The following TTF2 variants were observed in gnomAD, a reference collection of about 807,000 sequenced individuals.
The protein encoded by TTF2 is transcription termination factor 2, also known as RNA polymerase II termination factor.
Under a neutral mutation model 142.4 loss-of-function variants are expected in TTF2, and 108 were observed. That is an observed-to-expected ratio of 0.76 (90% CI 0.65 to 0.89). TTF2 has a LOEUF of 0.89. Among genes scored for constraint, TTF2 ranks in the 40% least tolerant of loss-of-function variants. The pLI is 0.00. For synonymous variants in TTF2, 483 were observed against 506.2 expected (o/e 0.95, Z 0.61); for missense variants, 1,327 against 1,379.8 (o/e 0.96, Z 0.61).
At position 117,073,770 on chromosome 1, in the gene TTF2, T is replaced by C; in HGVS notation, c.285+43T>C. 1 of 1,567,804 alleles carries C rather than the reference T, an allele frequency of 6.4e-7. No individual in the cohort carries two copies. The highest frequency in any genetic ancestry group is 8.8e-7 in the Non-Finnish European group (1 of 1,141,950). ...GTTTTCAAACCTGCTGTGTTAAGAC[T>C]TTTAATATGCAGCATCACCTGAAAA... On this transcript the variant is annotated intron_variant, in intron 4 of 22. Coordinates refer to ENST00000369466, the MANE Select transcript of TTF2 (RefSeq NM_003594.4). This position sits in a 1 kb window ranked among gnomAD's most constrained non-coding sequence, Gnocchi z 4.4.
At position 117,081,834 on chromosome 1, in the gene TTF2, A is replaced by T. The variant is rs1215107642; in HGVS notation, c.1790A>T (p.Asp597Val). 1 of 1,613,482 alleles carries T rather than the reference A, an allele frequency of 6.2e-7. No individual in the cohort carries two copies. Among genetic ancestry groups the T allele is most frequent in the Non-Finnish European group, 8.5e-7 (1 of 1,179,838 alleles). The change falls in exon 10 of 23, where the codon GAT becomes GTT. Residue 597 changes from aspartate to valine, a missense_variant. Physicochemically the swap from Asp to Val is radical, Grantham distance 152. Transcript: ENST00000369466. ...QKPQGGILAD[D>V]MGLGKTLTMI... ...TTTTGCTTTTATTTTCTAGCAGATG[A>T]TATGGGCTTAGGAAAAACCCTGACA...
Position 117,063,205 on chromosome 1 carries a change from C to T in TTF2, c.218+732C>T, listed in dbSNP as rs936418543. 5.9e-5 allele frequency among the ~76,000 whole-genome samples: 9 copies of T among 152,134 alleles called. No homozygotes were observed. Among genetic ancestry groups the T allele is most frequent in the Non-Finnish European group, 1.0e-4 (7 of 68,014 alleles). ...ATTAAAGGCATTTGAGTACCACCTA[C>T]AATTTTTATATACCTGAGTACTGTT... On this transcript the variant is annotated intron_variant, in intron 3 of 22. Transcript: ENST00000369466. The surrounding 1 kb of genome is among the most constrained non-coding windows in gnomAD (Gnocchi z 4.1).
At chr1:117,062,252 ATGTGTGGGAAT>A (rs1432749077) in intron 2 of TTF2, 124 bp from the exon 3 acceptor site, 1 of 705,296 alleles carries the variant, frequency 1.4e-6, no homozygotes, top group East Asian at 2.7e-5. Flanking sequence ...AGCTGTGATA[ATGTGTGGGAAT>A]TACAAACCCA....
rs1647965215 is a variant in TTF2 at position 117,086,004 on chromosome 1, A to G, written c.2055-413A>G. 6.6e-6 allele frequency among the ~76,000 whole-genome samples: 1 copy of G among 152,206 alleles called. No individual in the cohort carries two copies. The highest frequency in any genetic ancestry group is 1.5e-5 in the Non-Finnish European group (1 of 68,040). On this transcript the variant is annotated intron_variant, in intron 11 of 22. Coordinates refer to ENST00000369466, the MANE Select transcript of TTF2 (RefSeq NM_003594.4). The surrounding 1 kb of genome is among the most constrained non-coding windows in gnomAD (Gnocchi z 4.2). ...CTTTCTCCCCTGGGACTTTGGTGTC[A>G]TCCATCTCAAATCATTATTAAATGT...
Position 117,092,057 on chromosome 1 carries a change from A to G in TTF2, c.2805+107A>G. 1.6e-6 allele frequency: 2 copies of G among 1,248,044 alleles called. No homozygotes were observed. Among genetic ancestry groups the G allele is most frequent in the Non-Finnish European group, 2.1e-6 (2 of 932,852 alleles). 77.3% of individuals were successfully genotyped at this position (1,248,044 alleles called of 1,614,324 possible). On this transcript the variant is annotated intron_variant, in intron 17 of 22. Transcript: ENST00000369466. The surrounding 1 kb of genome is among the most constrained non-coding windows in gnomAD (Gnocchi z 4.4). ...AATCCAGTCTGCTTGATCAAAGGAA[A>G]TGCTGTTTCGGTTTTTCTATTTTTG... is the stretch of plus-strand genomic sequence containing the variant.
At chr1:117,078,647 T>C (rs887993309) in intron 8 of TTF2, among the ~76,000 whole-genome samples, 3 of 152,226 alleles carry the variant, frequency 2.0e-5, no homozygotes, top group African/African-American at 7.2e-5. Flanking sequence ...GTGATGTTAC[T>C]GAGTAGGAGC....
In TTF2 at chr1:117,079,614, G is replaced by C; in HGVS notation, c.1748G>C (p.Trp583Ser). The change falls in exon 9 of 23, where the codon TGG (tryptophan) becomes TCG (serine). Residue 583 changes from tryptophan to serine, a missense_variant. Coordinates refer to ENST00000369466, the MANE Select transcript of TTF2 (RefSeq NM_003594.4). This position sits in a 1 kb window ranked among gnomAD's most constrained non-coding sequence, Gnocchi z 4.2. Reference sequence around the variant, plus strand: ...AAGCAGGCATTGGCTTGGTTACTATGGCGAGAAAGTCAGAAGCCACAAGGA... The same window carrying C: ...AAGCAGGCATTGGCTTGGTTACTATCGCGAGAAAGTCAGAAGCCACAAGGA... The part of the protein sequence containing the change: ...HQKQALAWLL[W>S]RESQKPQGGI... The C allele has an allele frequency of 6.2e-7, 1 of 1,614,206 alleles. No homozygotes were observed. The highest frequency in any genetic ancestry group is 1.3e-5 in the African/African-American group (1 of 75,060).
rs1647952524 is a variant in TTF2, at chr1:117,085,824, T to C, written c.2055-593T>C. Among the ~76,000 whole-genome samples the C allele has an allele frequency of 6.6e-6, 1 of 152,198 alleles. No individual in the cohort carries two copies. Among genetic ancestry groups the C allele is most frequent in the Non-Finnish European group, 1.5e-5 (1 of 68,034 alleles). ...ATTTGTGTTTCTCATTAATAATCTT[T>C]ATATGTAAGGAGTATAAGCAAGATA... is the stretch of plus-strand genomic sequence containing the variant. On this transcript the variant is annotated intron_variant, in intron 11 of 22. Coordinates refer to ENST00000369466, the MANE Select transcript of TTF2 (RefSeq NM_003594.4). This position sits in a 1 kb window ranked among gnomAD's most constrained non-coding sequence, Gnocchi z 4.7.
At position 117,076,139 on chromosome 1, in the gene TTF2, G is replaced by A. The variant is rs1179498311; in HGVS notation, c.1276-41G>A. 2 of 1,562,584 alleles carry A rather than the reference G, an allele frequency of 1.3e-6. No homozygotes were observed. Among genetic ancestry groups the A allele is most frequent in the Admixed American group, 1.7e-5 (1 of 58,796 alleles). ...TTAATCTGAAACTATTCATCTAACA[G>A]TGTGAGAGGAGAGATCCATTTGATG... On this transcript the variant is annotated intron_variant, in intron 5 of 22. Transcript: ENST00000369466. The surrounding 1 kb of genome is among the most constrained non-coding windows in gnomAD (Gnocchi z 4.6).
chr1:117,095,605 A>G (rs899159639), intron 19 of TTF2, among the ~76,000 whole-genome samples: 1 of 151,452 alleles, frequency 6.6e-6, no homozygotes, highest in African/African-American at 2.5e-5. Context: ...AGAAGCATAT[A>G]AAGAAAAGCA....
chr1:117,095,769 GTGGGGGCAGGGAGGAGCC>G (rs1198461171), intron 19 of TTF2, among the ~76,000 whole-genome samples: 4 of 152,160 alleles, frequency 2.6e-5, no homozygotes, highest in Non-Finnish European at 5.9e-5. Context: ...TTAAGACAGC[GTGGGGGCAGGGAGGAGCC>G]TGTTGTTCTG....
rs1464010888 is a variant in TTF2, at chr1:117,097,266, G to A, written c.3187-85G>A. The A allele has an allele frequency of 8.5e-7, 1 of 1,169,664 alleles. No homozygotes were observed. The highest frequency in any genetic ancestry group is 1.7e-5 in the Admixed American group (1 of 59,102). 72.5% of individuals were successfully genotyped at this position (1,169,664 alleles called of 1,614,324 possible). Reference sequence around the variant, plus strand: ...TTTGATAGGAACACAGTGCTTATCTGTATTGATTGTGGACTTAAACCTGAG... The same window carrying A: ...TTTGATAGGAACACAGTGCTTATCTATATTGATTGTGGACTTAAACCTGAG... On this transcript the variant is annotated intron_variant, in intron 20 of 22. Transcript: ENST00000369466. The surrounding 1 kb of genome is among the most constrained non-coding windows in gnomAD (Gnocchi z 4.1).
rs3831091 is a variant in TTF2, at chr1:117,086,247, ATGTGTGTG to A, written c.2055-153_2055-146del. 6.0e-5 allele frequency among the ~76,000 whole-genome samples: 9 copies of A among 148,890 alleles called. No individual in the cohort carries two copies. Among genetic ancestry groups the A allele is most frequent in the East Asian group, 2.0e-4 (1 of 5,050 alleles). ...CAAGTGGGTAAAATTTACCTCCAAA[ATGTGTGTG>A]TGTGTGTGTGTGTGTGCGTGTGTGT... On this transcript the variant is annotated intron_variant, in intron 11 of 22. Coordinates refer to ENST00000369466, the MANE Select transcript of TTF2 (RefSeq NM_003594.4). This position sits in a 1 kb window ranked among gnomAD's most constrained non-coding sequence, Gnocchi z 4.2.
At chr1:117,064,758 A>T (rs1008766939) in intron 3 of TTF2, among the ~76,000 whole-genome samples, 1 of 150,862 alleles carries the variant, frequency 6.6e-6, no homozygotes, top group Non-Finnish European at 1.5e-5. Context: ...AGCTCAGGCA[A>T]TCTACACATC....
intron 4 of TTF2, among the ~76,000 whole-genome samples, chr1:117,074,587 GA>G (rs1236841531): frequency 6.6e-6 from 1 of 151,938 alleles, no homozygotes; most frequent in African/African-American, 2.4e-5. Flanking sequence ...TGCAGGAACA[GA>G]AAACCAAATA....
rs552201200 is a variant in TTF2, at chr1:117,075,824, C to A, written c.1240C>A (p.Arg414Ser). Residue 414 changes from arginine (R) to serine (S), a missense_variant, in exon 5 of 23, where the codon CGT becomes AGT. By Grantham distance (110) the Arg-to-Ser change is moderately radical. Coordinates refer to ENST00000369466, the MANE Select transcript of TTF2 (RefSeq NM_003594.4). This position sits in a 1 kb window ranked among gnomAD's most constrained non-coding sequence, Gnocchi z 4.5. ...AGAACCCTCAGACCCAGTAGCCCGGCGTGTCTACCTTACAACACAACTGAA... is the reference window on the plus strand; with the variant it reads ...AGAACCCTCAGACCCAGTAGCCCGGAGTGTCTACCTTACAACACAACTGAA... Reference protein sequence around the residue: ...KVEPSDPVARRVYLTTQLKQK... With the variant: ...KVEPSDPVARSVYLTTQLKQK... 2 of 1,612,626 alleles carry A rather than the reference C, an allele frequency of 1.2e-6. No individual in the cohort carries two copies. The highest frequency in any genetic ancestry group is 1.7e-5 in the Admixed American group (1 of 59,730).
chr1:117,104,719 A>C lies in TTF2; in HGVS notation c.*3195A>C, dbSNP rs1557839143. On this transcript the variant is annotated 3_prime_UTR_variant, in exon 23 of 23. Transcript: ENST00000369466. Reference sequence around the variant, plus strand: ...TACTAAACATGCATTCTTAAATCCTAGTGCTGGGATGGATTACATGAATTA... The same window carrying C: ...TACTAAACATGCATTCTTAAATCCTCGTGCTGGGATGGATTACATGAATTA... 1 of 152,188 alleles carries C rather than the reference A, an allele frequency of 6.6e-6. No homozygotes were observed. The highest frequency in any genetic ancestry group is 2.4e-5 in the African/African-American group (1 of 41,436). 9.4% of individuals were successfully genotyped at this position (152,188 alleles called of 1,614,324 possible).
At chr1:117,074,476 T>C (rs541650981) in intron 4 of TTF2, among the ~76,000 whole-genome samples, 9 of 152,274 alleles carry the variant, frequency 5.9e-5, no homozygotes, top group Admixed American at 3.3e-4. Flanking sequence ...TGGCACGTCA[T>C]CTTTTCTAGA....
rs990057311 is a variant in TTF2, at chr1:117,090,775, CCTT to C, written c.2588+155_2588+157del. 29 of 711,368 alleles carry C rather than the reference CCTT, an allele frequency of 4.1e-5. No homozygotes were observed. The highest frequency in any genetic ancestry group is 1.5e-4 in the Admixed American group (5 of 34,158). The allele number at this position is 711,368 out of a possible 1,614,324, so 44.1% of individuals were successfully genotyped here. A position where few individuals can be genotyped will look rare whatever the true frequency, so the allele number is the denominator to read the frequency against. ...CTTTTTTTTTTTACCCCATTTTTCT[CCTT>C]CTCCCCTCCCCAGCTTACCTCTGTC... On this transcript the variant is annotated intron_variant, in intron 15 of 22. Transcript: ENST00000369466. The surrounding 1 kb of genome is among the most constrained non-coding windows in gnomAD (Gnocchi z 4.8).
Sources: allele counts gnomAD v4.1 joint callset (sites outside exome capture counted in the v4.1 genomes callset), GRCh38; gene constraint gnomAD v4.1.1; non-coding constraint Gnocchi (gnomAD v3.1); transcripts MANE v1.5; gene names NCBI Gene and HGNC (gene_info 2026-07-23, HGNC 2026-07-21).